Variants in LIN7A observed in about 807,000 individuals in gnomAD.
LIN7A encodes lin-7 cell polarity scaffold A.
A neutral mutation model predicts 29.8 loss-of-function variants in LIN7A; 25 were observed. That is an observed-to-expected ratio of 0.84 (90% CI 0.61 to 1.17). LIN7A has a LOEUF of 1.17. Ranked by LOEUF, LIN7A falls within the 50% of genes most tolerant of loss-of-function variation. The pLI, the probability that LIN7A is intolerant of heterozygous loss-of-function variation, is 0.00. For synonymous variants in LIN7A, 118 were observed against 107.5 expected, an observed-to-expected ratio of 1.10 and a Z score of -0.60; for missense variants, 239 against 287.0, an observed-to-expected ratio of 0.83 and a Z score of 1.21.
chr12:80,848,778 G>T (rs935575805), intron 2 of LIN7A, among the ~76,000 whole-genome samples: 2 of 152,038 alleles, frequency 1.3e-5, no homozygotes, highest in African/African-American at 4.8e-5. Context: ...AAGTCCATTT[G>T]GTACTAGGCT....
At chr12:80,926,139 T>C (rs879304927) in intron 1 of LIN7A, among the ~76,000 whole-genome samples, 1 of 152,210 alleles carries the variant, frequency 6.6e-6, no homozygotes, top group Non-Finnish European at 1.5e-5. Context: ...TTTTCTTCTC[T>C]GCACTTTGCT....
intron 4 of LIN7A, among the ~76,000 whole-genome samples, chr12:80,838,060 A>G (rs1872660724): frequency 1.3e-5 from 2 of 152,228 alleles, no homozygotes; most frequent in Non-Finnish European, 2.9e-5. Flanking sequence ...ACTATGAGAA[A>G]GACTGCACCA....
At chr12:80,920,338 A>G (rs1250999090) in intron 1 of LIN7A, among the ~76,000 whole-genome samples, 1 of 152,194 alleles carries the variant, frequency 6.6e-6, no homozygotes, top group African/African-American at 2.4e-5. Context: ...GATATATTTG[A>G]TATCAGGGCT....
intron 1 of LIN7A, among the ~76,000 whole-genome samples, chr12:80,899,476 A>G (rs1251078755): frequency 6.6e-6 from 1 of 152,054 alleles, no homozygotes; most frequent in Non-Finnish European, 1.5e-5. Context: ...AGGTTTTGGT[A>G]TCAGAATGAT....
At chr12:80,885,233 AATC>A (rs1184395604) in intron 2 of LIN7A, among the ~76,000 whole-genome samples, 4 of 152,272 alleles carry the variant, frequency 2.6e-5, no homozygotes, top group Admixed American at 2.6e-4. Context: ...AACATTTCAT[AATC>A]ATCATATTTC....
At chr12:80,913,747 C>T (rs1268509945) in intron 1 of LIN7A, among the ~76,000 whole-genome samples, 1 of 152,194 alleles carries the variant, frequency 6.6e-6, no homozygotes, top group African/African-American at 2.4e-5. Flanking sequence ...ATAAAACATA[C>T]TTACTTTCAA....
rs538750784 is a variant in LIN7A, at chr12:80,796,380, T to A, written c.*1347A>T. On this transcript the variant is annotated 3_prime_UTR_variant, in exon 6 of 6. Transcript: ENST00000552864. ...TTCCTATTTATTTCATAAAGTAAAA[T>A]CAGACTTAGGTGCCTAGATTTACCA... is the stretch of plus-strand genomic sequence containing the variant. 2.6e-5 allele frequency: 4 copies of A among 152,288 alleles called. No homozygotes were observed. Among genetic ancestry groups the A allele is most frequent in the Non-Finnish European group, 5.9e-5 (4 of 68,004 alleles). The allele number at this position is 152,288 out of a possible 1,614,324, so 9.4% of individuals were successfully genotyped here.
At chr12:80,869,226 T>A (rs533444169) in intron 2 of LIN7A, among the ~76,000 whole-genome samples, 1 of 151,802 alleles carries the variant, frequency 6.6e-6, no homozygotes, top group East Asian at 1.9e-4. Flanking sequence ...ATGAGACAAA[T>A]GAACAGAATT....
intron 1 of LIN7A, chr12:80,936,885 G>A (rs2120989934): frequency 6.6e-6 from 1 of 152,468 alleles, no homozygotes; most frequent in Middle Eastern, 3.4e-3. Context: ...GTGGCACCGA[G>A]CTGGGAGAGG....
intron 4 of LIN7A, among the ~76,000 whole-genome samples, chr12:80,830,481 G>A (rs1872293140): frequency 6.6e-6 from 1 of 152,094 alleles, no homozygotes; most frequent in Admixed American, 6.6e-5. Flanking sequence ...AGCCCTGGAA[G>A]GAAGTATTTT....
chr12:80,889,134 C>A, intron 2 of LIN7A, 117 bp downstream of exon 2: 8 of 703,878 alleles, frequency 1.1e-5, no homozygotes, highest in Middle Eastern at 5.0e-4. Context: ...TAGCTAAAAA[C>A]AGAAAATTAA....
At chr12:80,807,063 G>GTTTTTTTTTT (rs71094991) in intron 5 of LIN7A, among the ~76,000 whole-genome samples, 4 of 53,584 alleles carry the variant, frequency 7.5e-5, no homozygotes, top group African/African-American at 1.7e-4. Flanking sequence ...TGAAGATGGA[G>GTTTTTTTTTT]TTTTTTTTTT....
Position 80,848,322 on chromosome 12 carries a change from C to A in LIN7A, c.202G>T (p.Val68Leu). 1.9e-6 allele frequency: 3 copies of A among 1,601,782 alleles called. No individual in the cohort carries two copies. Among genetic ancestry groups the A allele is most frequent in the South Asian group, 1.1e-5 (1 of 90,802 alleles). Residue 68 changes from valine (V) to leucine (L), a missense_variant and splice_region_variant, in exon 3 of 6, where the codon GTG (valine) becomes TTG (leucine). Val to Leu is a conservative substitution (Grantham distance 32, BLOSUM62 1). Coordinates refer to ENST00000552864, the MANE Select transcript of LIN7A (RefSeq NM_004664.4). ...ATCGTTTCATGCATATATTGATACA[C>A]CTAAAATGTTCACATAAAAAGAAGA... is the stretch of plus-strand genomic sequence containing the variant. ...QSEFCTAIRE[V>L]YQYMHETITV...
At chr12:80,866,720 C>G (rs1413753765) in intron 2 of LIN7A, among the ~76,000 whole-genome samples, 1 of 152,086 alleles carries the variant, frequency 6.6e-6, no homozygotes, top group East Asian at 1.9e-4. Context: ...GGCTCAAACA[C>G]TGAGAAAAAC....
intron 2 of LIN7A, 36 bp downstream of exon 2, chr12:80,889,215 T>C (rs1180591899): frequency 2.8e-6 from 3 of 1,064,628 alleles, no homozygotes; most frequent in South Asian, 2.5e-5. Flanking sequence ...AGAAGACATA[T>C]GGCTGAATTT....
intron 4 of LIN7A, 142 bp from the exon 5 acceptor site, chr12:80,811,825 G>T: frequency 1.0e-6 from 1 of 970,378 alleles, no homozygotes; most frequent in Non-Finnish European, 1.5e-6. Flanking sequence ...TACCATCATC[G>T]TTATTATTTA....
At chr12:80,856,452 A>G (rs907613659) in intron 2 of LIN7A, among the ~76,000 whole-genome samples, 2 of 152,194 alleles carry the variant, frequency 1.3e-5, no homozygotes, top group African/African-American at 2.4e-5. Flanking sequence ...GGAATAGGTC[A>G]AGGTCTTGGA....
At chr12:80,874,958 G>A (rs1466576431) in intron 2 of LIN7A, among the ~76,000 whole-genome samples, 3 of 152,308 alleles carry the variant, frequency 2.0e-5, no homozygotes, top group East Asian at 3.9e-4. Flanking sequence ...CCGAGATGGC[G>A]CCACTGCACT....
At chr12:80,889,177 T>TTG (rs949054354) in intron 2 of LIN7A, 74 bp downstream of exon 2, 1 of 820,942 alleles carries the variant, frequency 1.2e-6, no homozygotes, top group African/African-American at 1.7e-5. Flanking sequence ...TTTCAACTGT[T>TTG]TGTGTAGAGA....
Sources: allele counts gnomAD v4.1 joint callset (sites outside exome capture counted in the v4.1 genomes callset), GRCh38; gene constraint gnomAD v4.1.1; transcripts MANE v1.5; gene names NCBI Gene and HGNC (gene_info 2026-07-23, HGNC 2026-07-21).